SPAG16: variants seen among roughly 807,000 people sequenced by gnomAD.
SPAG16 encodes sperm associated antigen 16, also known as sperm-associated antigen 16 protein.
A neutral mutation model predicts 80.4 loss-of-function variants in SPAG16; 86 were observed. The ratio of observed to expected loss-of-function variants is 1.07; its 90% CI spans 0.90 to 1.28. The LOEUF is 1.28. Among genes scored for constraint, SPAG16 ranks in the 50% most tolerant of loss-of-function variants. The probability of loss-of-function intolerance (pLI) is 0.00; values close to 1 mark genes in which losing one functional copy is unlikely to be tolerated. For missense variants in SPAG16, 870 were observed against 765.3 expected, an observed-to-expected ratio of 1.14 and a Z score of -1.61; for synonymous variants, 294 against 265.9, an observed-to-expected ratio of 1.11 and a Z score of -1.03.
chr2:214,322,289 C>T (rs1435867159), intron 15 of SPAG16, among the ~76,000 whole-genome samples: 1 of 152,144 alleles, frequency 6.6e-6, no homozygotes, highest in Non-Finnish European at 1.5e-5. Flanking sequence ...GAGGTGAAAA[C>T]CAGGTGTTAC....
chr2:213,528,706 T>G (rs1365306723), intron 10 of SPAG16, among the ~76,000 whole-genome samples: 1 of 152,190 alleles, frequency 6.6e-6, no homozygotes, highest in Non-Finnish European at 1.5e-5. Context: ...ATCCAATTTT[T>G]GGCTTCCCTG....
intron 10 of SPAG16, among the ~76,000 whole-genome samples, chr2:213,549,369 A>G (rs2076715985): frequency 6.6e-6 from 1 of 152,156 alleles, no homozygotes; most frequent in Admixed American, 6.5e-5. Context: ...GTATTTTAAT[A>G]GTTAATTTTG....
chr2:213,752,196 A>G (rs942483548), intron 10 of SPAG16, among the ~76,000 whole-genome samples: 1 of 152,172 alleles, frequency 6.6e-6, no homozygotes, highest in African/African-American at 2.4e-5. Context: ...TTTCTGCTAG[A>G]CTAGATAAGG....
chr2:213,476,280 C>A (rs1346269797), intron 9 of SPAG16, among the ~76,000 whole-genome samples: 1 of 152,230 alleles, frequency 6.6e-6, no homozygotes, highest in African/African-American at 2.4e-5. Context: ...GGAATTGGAG[C>A]CAATCCAGGA....
intron 13 of SPAG16, among the ~76,000 whole-genome samples, chr2:214,069,222 G>C (rs1467156011): frequency 6.6e-6 from 1 of 152,056 alleles, no homozygotes; most frequent in African/African-American, 2.4e-5. Context: ...TCCGATACGT[G>C]TATATTGTTA....
intron 15 of SPAG16, among the ~76,000 whole-genome samples, chr2:214,251,923 T>C (rs1393179188): frequency 6.6e-6 from 1 of 152,148 alleles, no homozygotes; most frequent in East Asian, 1.9e-4. Flanking sequence ...TGCCTTTAGT[T>C]TGTTTCCTTT....
Position 213,718,755 on chromosome 2 carries a change from G to A in SPAG16, c.1071-143730G>A, listed in dbSNP as rs550478703. Reference sequence around the variant, plus strand: ...GGGCAGGGCTCGGGACCTGCAGCCCGCCATGCCTGAGCCTCCCACCCACTC... The same window carrying A: ...GGGCAGGGCTCGGGACCTGCAGCCCACCATGCCTGAGCCTCCCACCCACTC... On this transcript the variant is annotated intron_variant, in intron 10 of 15. Coordinates refer to ENST00000331683, the MANE Select transcript of SPAG16 (RefSeq NM_024532.5). 5.9e-5 allele frequency among the ~76,000 whole-genome samples: 9 copies of A among 152,278 alleles called. No individual in the cohort carries two copies. The East Asian group carries it at 7.7e-4, about 13-fold the overall frequency.
At chr2:214,351,173 C>A (rs532160813) in intron 15 of SPAG16, among the ~76,000 whole-genome samples, 1 of 151,950 alleles carries the variant, frequency 6.6e-6, no homozygotes, top group East Asian at 1.9e-4. Context: ...AATGTAAGGG[C>A]TGAAAAAATA....
chr2:214,013,810 T>C, intron 12 of SPAG16, 141 bp from the exon 13 acceptor site: 1 of 733,780 alleles, frequency 1.4e-6, no homozygotes, highest in East Asian at 2.7e-5. Context: ...CTATAGAATT[T>C]TACTTTTAAA....
At chr2:213,989,685 A>G (rs2046186198) in intron 12 of SPAG16, among the ~76,000 whole-genome samples, 1 of 152,154 alleles carries the variant, frequency 6.6e-6, no homozygotes, top group Admixed American at 6.6e-5. Flanking sequence ...TTAATAGGCA[A>G]ATAAAGAGTT....
At chr2:214,398,214 A>G (rs1345098648) in intron 15 of SPAG16, among the ~76,000 whole-genome samples, 12 of 152,232 alleles carry the variant, frequency 7.9e-5, no homozygotes, top group Admixed American at 7.8e-4. Context: ...ACATCATTCC[A>G]ACCTCTTGAT....
intron 10 of SPAG16, among the ~76,000 whole-genome samples, chr2:213,843,147 G>A (rs1351258119): frequency 6.6e-6 from 1 of 151,626 alleles, no homozygotes; most frequent in Non-Finnish European, 1.5e-5. Context: ...AAGTTTTAGG[G>A]TACATGTGCA....
At chr2:213,333,946 C>T (rs2064225023) in intron 5 of SPAG16, among the ~76,000 whole-genome samples, 4 of 152,010 alleles carry the variant, frequency 2.6e-5, no homozygotes, top group Admixed American at 2.6e-4. Flanking sequence ...GCACAGGCAT[C>T]CAAAGAAAAT....
chr2:213,492,687 T>G lies in SPAG16; in HGVS notation c.1070+2597T>G, dbSNP rs1176866542. Among the ~76,000 whole-genome samples the G allele has an allele frequency of 8.7e-3, 1,275 of 146,744 alleles. 18 individuals carry two copies. The highest frequency in any genetic ancestry group is 0.029 in the African/African-American group (1,189 of 40,780). On this transcript the variant is annotated intron_variant, in intron 10 of 15. Transcript: ENST00000331683. ...TTTTTTAAGGAAAAAAGAAAGTTGT[T>G]TTTTTTTTTTTTGTGCTTGGGGACT...
chr2:214,310,266 G>T (rs773845404), intron 15 of SPAG16, among the ~76,000 whole-genome samples: 14 of 149,294 alleles, frequency 9.4e-5, no homozygotes, highest in African/African-American at 3.2e-4. Context: ...ATGATCATTT[G>T]GCTTCTGGGT....
rs554201269 is a variant in SPAG16 at position 213,744,698 on chromosome 2, G to A, written c.1071-117787G>A. Among the ~76,000 whole-genome samples, 3 of 152,282 alleles carry A rather than the reference G, an allele frequency of 2.0e-5. No homozygotes were observed. The South Asian group carries it at 6.2e-4, about 32-fold the overall frequency. On this transcript the variant is annotated intron_variant, in intron 10 of 15. Coordinates refer to ENST00000331683, the MANE Select transcript of SPAG16 (RefSeq NM_024532.5). ...TGGGAGAAGTGGTTAATCATTAAGG[G>A]ATGGAGGAAGACTTTGAGAAGGAAA...
intron 13 of SPAG16, among the ~76,000 whole-genome samples, chr2:214,036,132 G>A (rs961277306): frequency 7.9e-5 from 12 of 152,056 alleles, no homozygotes; most frequent in Non-Finnish European, 1.8e-4. Flanking sequence ...ATTTATATCA[G>A]TGGATTAATG....
intron 15 of SPAG16, among the ~76,000 whole-genome samples, chr2:214,195,594 G>A (rs2057812373): frequency 6.6e-6 from 1 of 151,926 alleles, no homozygotes; most frequent in Admixed American, 6.6e-5. Context: ...AGATGGGAGT[G>A]CAGAGGTGAG....
intron 15 of SPAG16, among the ~76,000 whole-genome samples, chr2:214,309,660 G>A (rs1417146989): frequency 6.6e-6 from 1 of 152,036 alleles, no homozygotes; most frequent in Middle Eastern, 3.2e-3. Context: ...AGATTTTAGG[G>A]GGCCAACACT....
Sources: gnomAD v4.1 joint callset for allele counts (sites outside exome capture counted in the v4.1 genomes callset) on GRCh38, gnomAD v4.1.1 for gene constraint, MANE v1.5 for transcripts, NCBI Gene and HGNC (gene_info 2026-07-23, HGNC 2026-07-21) for gene names.